The following BABAM1 variants were observed in gnomAD, a reference collection of about 807,000 sequenced individuals.
BABAM1 encodes BRISC and BRCA1 A complex member 1.
Under a neutral mutation model 34.4 loss-of-function variants are expected in BABAM1, and 14 were observed. The ratio of observed to expected loss-of-function variants is 0.41; its 90% CI spans 0.27 to 0.64. BABAM1 has a LOEUF of 0.64. Among genes scored for constraint, BABAM1 ranks in the 30% least tolerant of loss-of-function variants. The pLI, the probability that BABAM1 is intolerant of heterozygous loss-of-function variation, is 0.34. For missense variants in BABAM1, 393 were observed against 434.0 expected (o/e 0.91, Z 0.84); for synonymous variants, 169 against 165.8 (o/e 1.02, Z -0.15).
chr19:17,274,050 C>T (rs1422905232), intron 4 of BABAM1, 26 bp downstream of exon 4: 2 of 1,613,644 alleles, frequency 1.2e-6, no homozygotes, highest in Admixed American at 3.3e-5. Flanking sequence ...GCGCTGGGTG[C>T]CCTGGGGTCC....
chr19:17,270,085 T>C (rs1410883157), intron 2 of BABAM1, among the ~76,000 whole-genome samples: 3 of 151,984 alleles, frequency 2.0e-5, no homozygotes, highest in East Asian at 1.9e-4. Context: ...CGCCCGCTAC[T>C]ACGCCTGGCT....
At chr19:17,276,980 GT>G in intron 8 of BABAM1, 71 bp downstream of exon 8, 1 of 1,403,758 alleles carries the variant, frequency 7.1e-7, no homozygotes, top group East Asian at 2.5e-5. Flanking sequence ...CCTGCACTGG[GT>G]CTGGGGGTCT....
At chr19:17,268,604 T>C (rs1248607937) in intron 1 of BABAM1, 190 bp from the exon 2 acceptor site, 1 of 551,898 alleles carries the variant, frequency 1.8e-6, no homozygotes, top group African/African-American at 1.9e-5. Flanking sequence ...TAATTTTGTA[T>C]TTTTAGTTGA....
intron 3 of BABAM1, among the ~76,000 whole-genome samples, chr19:17,272,881 G>A (rs2073858976): frequency 1.3e-5 from 2 of 152,104 alleles, no homozygotes; most frequent in Admixed American, 1.3e-4. Context: ...AGCTGGGCAC[G>A]GTGGTGCGTG....
At chr19:17,277,739 C>T (rs548260843) in intron 8 of BABAM1, among the ~76,000 whole-genome samples, 2 of 152,220 alleles carry the variant, frequency 1.3e-5, no homozygotes, top group Admixed American at 6.5e-5. Context: ...TCTAGCCAGG[C>T]GTGGTGGTGT....
intron 3 of BABAM1, among the ~76,000 whole-genome samples, chr19:17,273,564 G>GTTTTTTTTTTTTTTTT (rs754203595): frequency 1.8e-3 from 81 of 45,922 alleles, no homozygotes; most frequent in South Asian, 3.9e-3. Flanking sequence ...TGTTTGTTTT[G>GTTTTTTTTTTTTTTTT]TTTTTTTTTT....
At chr19:17,273,845 G>A in intron 3 of BABAM1, 59 bp from the exon 4 acceptor site, 1 of 1,532,908 alleles carries the variant, frequency 6.5e-7, no homozygotes, top group African/African-American at 1.4e-5. Context: ...TTACAGGCGT[G>A]AGCCACTGTG....
intron 2 of BABAM1, among the ~76,000 whole-genome samples, chr19:17,269,443 C>G (rs1471104164): frequency 6.6e-6 from 1 of 150,970 alleles, no homozygotes; most frequent in Non-Finnish European, 1.5e-5. Context: ...CTCTGCCTCC[C>G]GGGTTCAAGC....
At chr19:17,269,183 T>C in intron 2 of BABAM1, 92 bp downstream of exon 2, 10 of 1,388,408 alleles carry the variant, frequency 7.2e-6, no homozygotes, top group Middle Eastern at 2.7e-4. Flanking sequence ...CCCTTTGTAT[T>C]CGTTACCTGT....
In BABAM1 at chr19:17,269,074, A is replaced by G. The variant is rs1300218503; in HGVS notation, c.268A>G (p.Asn90Asp). The G allele has an allele frequency of 1.2e-6, 2 of 1,607,368 alleles. No individual in the cohort carries two copies. The highest frequency in any genetic ancestry group is 2.2e-5 in the South Asian group (2 of 89,884). Reference protein sequence around the residue: ...PEVQIRTPRVNCPEKVIICLD... With the variant: ...PEVQIRTPRVDCPEKVIICLD... ...GGTCCAAATTCGGACACCAAGGGTC[A>G]ACTGTCCAGAGAAAGTGGTAAGTAG... The change falls in exon 2 of 9, where the codon AAC becomes GAC. Residue 90 changes from asparagine to aspartate, a missense_variant. By Grantham distance (23) the Asn-to-Asp change is conservative. Transcript: ENST00000598188.
Position 17,274,112 on chromosome 19 carries a change from T to C in BABAM1, c.471T>C (p.Ser157=). 1.2e-6 allele frequency: 2 copies of C among 1,613,802 alleles called. No homozygotes were observed. The highest frequency in any genetic ancestry group is 1.7e-6 in the Non-Finnish European group (2 of 1,179,866). The change falls in exon 5 of 9, where the codon TCT becomes TCC. Residue 157 remains serine, a synonymous_variant. Coordinates refer to ENST00000598188, the MANE Select transcript of BABAM1 (RefSeq NM_014173.4). The part of the protein sequence containing the change: ...VVVNDDTAWL[S]GLTSDPRELC... The stretch of plus-strand genomic sequence containing the variant: ...AGGCCTCTGCTTCCCTGCAGCTGTC[T>C]GGCCTGACCTCCGACCCCCGCGAGC...
In BABAM1 at chr19:17,276,811, C is replaced by A. The variant is rs528538382; in HGVS notation, c.700-12C>A. 6.3e-7 allele frequency: 1 copy of A among 1,598,938 alleles called. No homozygotes were observed. Among genetic ancestry groups the A allele is most frequent in the African/African-American group, 1.3e-5 (1 of 74,794 alleles). On this transcript the variant is annotated splice_polypyrimidine_tract_variant and intron_variant, in intron 7 of 8. Transcript: ENST00000598188. ...AAGCCCCAGAGGCTGGTGTTCTTTA[C>A]TTCCCCTGCAGAAAATGTTCCAGTG...
At chr19:17,275,860 C>T in intron 6 of BABAM1, 35 bp downstream of exon 6, 1 of 1,602,638 alleles carries the variant, frequency 6.2e-7, no homozygotes, top group South Asian at 1.1e-5. Flanking sequence ...TATTCACCTT[C>T]AAAGAGAAGG....
At chr19:17,275,895 AC>A in intron 6 of BABAM1, 70 bp downstream of exon 6, 1 of 1,542,814 alleles carries the variant, frequency 6.5e-7, no homozygotes, top group Non-Finnish European at 9.0e-7. Context: ...AAAGCTCCAA[AC>A]GGCACAGAAG....
chr19:17,276,703 C>T (rs577160894), intron 7 of BABAM1, 79 bp downstream of exon 7: 3 of 1,559,558 alleles, frequency 1.9e-6, no homozygotes, highest in Admixed American at 1.9e-5. Flanking sequence ...CTTCCAACCA[C>T]AGAGGCTGGG....
Position 17,269,031 on chromosome 19 carries a change from GC to G in BABAM1, c.230del (p.Pro77ArgfsTer19). ...GAGCCGGCCCTAAGTCCTGGCAGGT[GC>G]CCCCGCCAGCCCCTGAGGTCCAAAT... ...SGAGPKSWQV[P>X]PPAPEVQIRT... On this transcript the variant is annotated frameshift_variant, in exon 2 of 9. Transcript: ENST00000598188. LOFTEE classifies it high-confidence loss of function. 1 of 1,586,332 alleles carries G rather than the reference GC, an allele frequency of 6.3e-7. No individual in the cohort carries two copies. Among genetic ancestry groups the G allele is most frequent in the Non-Finnish European group, 8.6e-7 (1 of 1,168,058 alleles).
Position 17,269,108 on chromosome 19 carries a change from G to C in BABAM1, c.285+17G>C. On this transcript the variant is annotated intron_variant, in intron 2 of 8. Transcript: ENST00000598188. ...GAGAAAGTGGTAAGTAGAGGGGGTG[G>C]CCTGGGGCTCTGAGATGCTAGGGAA... The C allele has an allele frequency of 6.3e-7, 1 of 1,575,586 alleles. No individual in the cohort carries two copies. Among genetic ancestry groups the C allele is most frequent in the Non-Finnish European group, 8.6e-7 (1 of 1,159,408 alleles).
chr19:17,271,831 G>A (rs2073844506), intron 3 of BABAM1, among the ~76,000 whole-genome samples, 176 bp downstream of exon 3: 4 of 152,136 alleles, frequency 2.6e-5, no homozygotes, highest in South Asian at 2.1e-4. Flanking sequence ...CCAGTGACTC[G>A]GGAGGCTGAG....
chr19:17,269,250 C>G (rs557944350), intron 2 of BABAM1, among the ~76,000 whole-genome samples, 159 bp downstream of exon 2: 2 of 152,172 alleles, frequency 1.3e-5, no homozygotes, highest in Admixed American at 6.5e-5. Context: ...TTTATTCTCT[C>G]ACAGTTCTTG....
Sources: gnomAD v4.1 joint callset for allele counts (sites outside exome capture counted in the v4.1 genomes callset) on GRCh38, gnomAD v4.1.1 for gene constraint, MANE v1.5 for transcripts, NCBI Gene and HGNC (gene_info 2026-07-23, HGNC 2026-07-21) for gene names.